BTRC: variants seen among roughly 807,000 people sequenced by gnomAD.
The protein encoded by BTRC is beta-transducin repeat containing E3 ubiquitin protein ligase.
A neutral mutation model predicts 85.5 loss-of-function variants in BTRC; 42 were observed. That is an observed-to-expected ratio of 0.49 (90% CI 0.38 to 0.64). BTRC has a LOEUF of 0.64. BTRC is among the 30% of genes least tolerant of loss of function. The pLI is 0.00. For synonymous variants in BTRC, 255 were observed against 263.3 expected, an observed-to-expected ratio of 0.97 and a Z score of 0.30; for missense variants, 594 against 743.5, an observed-to-expected ratio of 0.80 and a Z score of 2.34.
intron 1 of BTRC, among the ~76,000 whole-genome samples, chr10:101,413,137 G>T (rs983090526): frequency 1.3e-5 from 2 of 151,972 alleles, no homozygotes; most frequent in Non-Finnish European, 2.9e-5. Context: ...TTTTGGGTTT[G>T]TTTTTGAGAT....
chr10:101,535,554 A>G lies in BTRC; in HGVS notation c.1466+82A>G, dbSNP rs992894656. The G allele has an allele frequency of 8.4e-6, 8 of 949,248 alleles. No homozygotes were observed. The Admixed American group carries it at 1.7e-4, about 20-fold the overall frequency. The allele number at this position is 949,248 out of a possible 1,614,324, so 58.8% of individuals were successfully genotyped here. A position where few individuals can be genotyped will look rare whatever the true frequency, so the allele number is the denominator to read the frequency against. ...TAATGCACAGATCATACAAGTCTTC[A>G]ATTTTGTTATGTTTATAATCAACTG... On this transcript the variant is annotated intron_variant, in intron 11 of 14. Coordinates refer to ENST00000370187, the MANE Select transcript of BTRC (RefSeq NM_033637.4).
chr10:101,496,154 A>T (rs1040637396), intron 4 of BTRC, among the ~76,000 whole-genome samples: 4 of 152,150 alleles, frequency 2.6e-5, no homozygotes, highest in African/African-American at 7.2e-5. Context: ...ATAAGTGAAC[A>T]TTGGGTTTCT....
intron 3 of BTRC, among the ~76,000 whole-genome samples, chr10:101,472,673 G>C (rs1461315009): frequency 6.6e-6 from 1 of 152,092 alleles, no homozygotes; most frequent in Non-Finnish European, 1.5e-5. Flanking sequence ...AAATTATCTG[G>C]GCATGGTGGC....
At chr10:101,437,844 G>GA (rs758147138) in intron 2 of BTRC, among the ~76,000 whole-genome samples, 1 of 152,020 alleles carries the variant, frequency 6.6e-6, no homozygotes, top group Admixed American at 6.6e-5. Context: ...CTGCTTACCT[G>GA]AAAAAACCCC....
intron 2 of BTRC, among the ~76,000 whole-genome samples, chr10:101,446,267 TTCTAAATGTGAGC>T (rs1422920538): frequency 6.6e-6 from 1 of 152,146 alleles, no homozygotes; most frequent in Non-Finnish European, 1.5e-5. Context: ...CTCTAAGGTA[TTCTAAATGTGAGC>T]TCTTTTGTCC....
At chr10:101,385,451 G>A (rs1223950885) in intron 1 of BTRC, among the ~76,000 whole-genome samples, 9 of 150,508 alleles carry the variant, frequency 6.0e-5, no homozygotes, top group Admixed American at 5.3e-4. Context: ...TGAATTAGAA[G>A]GAAGAAAAAT....
intron 4 of BTRC, among the ~76,000 whole-genome samples, chr10:101,493,140 G>A (rs886094832): frequency 6.6e-6 from 1 of 152,138 alleles, no homozygotes; most frequent in Non-Finnish European, 1.5e-5. Context: ...AAAGCTAAAT[G>A]GTCTTATTAT....
At chr10:101,447,009 C>G (rs984271638) in intron 2 of BTRC, among the ~76,000 whole-genome samples, 9 of 151,322 alleles carry the variant, frequency 5.9e-5, no homozygotes, top group Admixed American at 4.6e-4. Flanking sequence ...GGTGGGGGGG[C>G]CGGTTACAAA....
At chr10:101,430,474 G>C in intron 2 of BTRC, 22 bp downstream of exon 2, 1 of 1,593,192 alleles carries the variant, frequency 6.3e-7, no homozygotes, top group Non-Finnish European at 8.6e-7. Flanking sequence ...GTCTCTGTGG[G>C]TTATTTGCGG....
At chr10:101,436,411 A>G (rs1039820735) in intron 2 of BTRC, among the ~76,000 whole-genome samples, 2 of 152,150 alleles carry the variant, frequency 1.3e-5, no homozygotes, top group African/African-American at 2.4e-5. Context: ...TTGGAAGGCC[A>G]GGGCTGGCGG....
intron 13 of BTRC, among the ~76,000 whole-genome samples, chr10:101,540,393 A>G (rs1169540702): frequency 6.6e-6 from 1 of 152,194 alleles, no homozygotes; most frequent in Non-Finnish European, 1.5e-5. Context: ...TCCTTTCGAA[A>G]TGCTTTTGCA....
intron 2 of BTRC, among the ~76,000 whole-genome samples, chr10:101,447,183 G>A (rs1944850098): frequency 6.6e-6 from 1 of 152,116 alleles, no homozygotes; most frequent in East Asian, 1.9e-4. Context: ...ATGATTGAGT[G>A]GCTAATGCTC....
At chr10:101,506,467 C>T (rs1022806212) in intron 4 of BTRC, among the ~76,000 whole-genome samples, 3 of 152,036 alleles carry the variant, frequency 2.0e-5, no homozygotes, top group Non-Finnish European at 2.9e-5. Flanking sequence ...AATTTTTATA[C>T]AGATTTGTTT....
At chr10:101,415,235 G>A (rs1269639529) in intron 1 of BTRC, among the ~76,000 whole-genome samples, 1 of 151,876 alleles carries the variant, frequency 6.6e-6, no homozygotes, top group Non-Finnish European at 1.5e-5. Flanking sequence ...GAGTGCAGTG[G>A]TGAGATCTCG....
chr10:101,415,470 T>G (rs1186266418), intron 1 of BTRC, among the ~76,000 whole-genome samples: 3 of 4,472 alleles, frequency 6.7e-4, no homozygotes, highest in African/African-American at 7.3e-4. Flanking sequence ...TTTTATTTTA[T>G]TTTATTTTAT....
chr10:101,548,868 C>G (rs1186249232), intron 13 of BTRC, among the ~76,000 whole-genome samples: 1 of 151,946 alleles, frequency 6.6e-6, no homozygotes, highest in East Asian at 1.9e-4. Flanking sequence ...TCCTGGCCAA[C>G]ATGGTGAAAC....
chr10:101,499,512 G>A (rs1946351007), intron 4 of BTRC, among the ~76,000 whole-genome samples: 1 of 151,858 alleles, frequency 6.6e-6, no homozygotes, highest in South Asian at 2.1e-4. Context: ...ACAGGTATGA[G>A]CCACCATGCT....
chr10:101,535,426 T>G lies in BTRC; in HGVS notation c.1420T>G (p.Tyr474Asp). 6.2e-7 allele frequency: 1 copy of G among 1,614,154 alleles called. No homozygotes were observed. Among genetic ancestry groups the G allele is most frequent in the Middle Eastern group, 1.6e-4 (1 of 6,062 alleles). Residue 474 changes from tyrosine to aspartate, a missense_variant, in exon 11 of 15, where the codon TAC (tyrosine) becomes GAC (aspartate). Physicochemically the swap from Tyr to Asp is radical, Grantham distance 160. This residue lies in a region of BTRC where 373 missense variants were observed against 503.6 expected (regional missense o/e 0.74). Transcript: ENST00000370187. ...CAAACGAGGCATTGCCTGTTTGCAG[T>G]ACAGGGACAGGCTGGTAGTGAGTGG... ...GHKRGIACLQ[Y>D]RDRLVVSGSS...
In BTRC at chr10:101,494,513, C is replaced by T. The variant is rs537626012; in HGVS notation, c.324+15056C>T. On this transcript the variant is annotated intron_variant, in intron 4 of 14. Transcript: ENST00000370187. ...AAATATTTTCTTAATTTTGAGAATGCGGAATATTGAGCAAGACATAATTAT... is the reference window on the plus strand; with the variant it reads ...AAATATTTTCTTAATTTTGAGAATGTGGAATATTGAGCAAGACATAATTAT... Among the ~76,000 whole-genome samples the T allele has an allele frequency of 1.6e-4, 24 of 152,214 alleles. No individual in the cohort carries two copies. The South Asian group carries it at 3.9e-3, about 25-fold the overall frequency.
Sources: allele counts gnomAD v4.1 joint callset (sites outside exome capture counted in the v4.1 genomes callset), GRCh38; gene constraint gnomAD v4.1.1; regional missense constraint gnomAD v4.1.1; transcripts MANE v1.5; gene names NCBI Gene and HGNC (gene_info 2026-07-23, HGNC 2026-07-21).